NEO1: variants seen among roughly 807,000 people sequenced by gnomAD.
NEO1 encodes the protein neogenin.
A neutral mutation model predicts 159.7 loss-of-function variants in NEO1; 63 were observed. That is an observed-to-expected ratio of 0.39 (90% CI 0.32 to 0.49). The LOEUF is 0.49. Among genes scored for constraint, NEO1 ranks in the 20% least tolerant of loss-of-function variants. The pLI is 0.85. For missense variants in NEO1, 1,615 were observed against 1,831.0 expected, an observed-to-expected ratio of 0.88 and a Z score of 2.15; for synonymous variants, 633 against 662.0, an observed-to-expected ratio of 0.96 and a Z score of 0.67.
At chr15:73,080,470 GTGTT>G (rs1044280995) in intron 1 of NEO1, among the ~76,000 whole-genome samples, 1 of 151,880 alleles carries the variant, frequency 6.6e-6, no homozygotes, top group African/African-American at 2.4e-5. Context: ...GCAGTGTAGT[GTGTT>G]TGTTAGTTAC....
intron 14 of NEO1, 44 bp downstream of exon 14, chr15:73,258,920 C>A: frequency 1.3e-6 from 2 of 1,518,728 alleles, no homozygotes; most frequent in South Asian, 1.1e-5. Flanking sequence ...TAGATACTAG[C>A]TGTAGTCAAA....
chr15:73,257,349 AGAATTTTTATGGT>A (rs2040419111), intron 13 of NEO1, among the ~76,000 whole-genome samples: 1 of 151,990 alleles, frequency 6.6e-6, no homozygotes, highest in Non-Finnish European at 1.5e-5. Flanking sequence ...TAAGCAAAAT[AGAATTTTTATGGT>A]AAAAATGGCT....
chr15:73,292,132 T>A (rs544113261), intron 25 of NEO1, among the ~76,000 whole-genome samples: 1 of 152,220 alleles, frequency 6.6e-6, no homozygotes, highest in Admixed American at 6.5e-5. Flanking sequence ...GAAGGAAGGG[T>A]CAGCAGTGCT....
At chr15:73,142,161 G>A (rs374843856) in intron 5 of NEO1, among the ~76,000 whole-genome samples, 5 of 152,256 alleles carry the variant, frequency 3.3e-5, no homozygotes, top group African/African-American at 1.2e-4. Context: ...CATATGTGAT[G>A]TTGTGGGGAG....
chr15:73,058,278 T>G (rs985272036), intron 1 of NEO1, among the ~76,000 whole-genome samples: 3 of 152,190 alleles, frequency 2.0e-5, no homozygotes, highest in African/African-American at 7.2e-5. Context: ...TTTTATACAG[T>G]CCTGTGAGGA....
chr15:73,255,894 G>A (rs1051329409), intron 13 of NEO1: 2 of 152,174 alleles, frequency 1.3e-5, no homozygotes, highest in African/African-American at 4.8e-5. Flanking sequence ...CAAAAGGTGT[G>A]AGTTATCTGT....
rs1419874454 is a variant in NEO1, at chr15:73,303,361, T to C, written c.*665T>C. 2 of 152,506 alleles carry C rather than the reference T, an allele frequency of 1.3e-5. No individual in the cohort carries two copies. Among genetic ancestry groups the C allele is most frequent in the African/African-American group, 4.8e-5 (2 of 41,412 alleles). 9.4% of individuals were successfully genotyped at this position (152,506 alleles called of 1,614,324 possible). A position where few individuals can be genotyped will look rare whatever the true frequency, so the allele number is the denominator to read the frequency against. Reference sequence around the variant, plus strand: ...TAAGCTTTTTTTATTATTTTTTTATTATAATTATTAAAGGCCTGACTCTTT... The same window carrying C: ...TAAGCTTTTTTTATTATTTTTTTATCATAATTATTAAAGGCCTGACTCTTT... On this transcript the variant is annotated 3_prime_UTR_variant, in exon 29 of 29. Transcript: ENST00000261908.
rs113253436 is a variant in NEO1, at chr15:73,069,125, A to T, written c.130+16320A>T. Among the ~76,000 whole-genome samples, 688 of 105,192 alleles carry T rather than the reference A, an allele frequency of 6.5e-3. 7 individuals are homozygous for T. The highest frequency in any genetic ancestry group is 0.021 in the African/African-American group (458 of 21,534). The allele number at this position is 105,192 out of a possible 152,430, so 69.0% of individuals were successfully genotyped here. On this transcript the variant is annotated intron_variant, in intron 1 of 28. Coordinates refer to ENST00000261908, the MANE Select transcript of NEO1 (RefSeq NM_002499.4). ...TGCGTCACCATGGGCTAATTTTTGT[A>T]TTTTTTTTTTTTTTTTTTGTAGAGA...
At chr15:73,074,972 A>G (rs2068701146) in intron 1 of NEO1, among the ~76,000 whole-genome samples, 1 of 152,234 alleles carries the variant, frequency 6.6e-6, no homozygotes, top group African/African-American at 2.4e-5. Flanking sequence ...TGCCTGGCAT[A>G]TAATGTGTCT....
chr15:73,192,192 A>G (rs376333697), intron 7 of NEO1, among the ~76,000 whole-genome samples: 12 of 152,000 alleles, frequency 7.9e-5, no homozygotes, highest in East Asian at 7.7e-4. Flanking sequence ...TTCTGAAGTG[A>G]TATTTAAGTT....
intron 3 of NEO1, 143 bp downstream of exon 3, chr15:73,122,943 G>A (rs2071755835): frequency 1.0e-6 from 1 of 1,003,506 alleles, no homozygotes; most frequent in Non-Finnish European, 1.5e-6. Flanking sequence ...GTTGAAGCGG[G>A]TGGATCACCT....
At chr15:73,232,678 C>T (rs1483430501) in intron 7 of NEO1, among the ~76,000 whole-genome samples, 1 of 152,170 alleles carries the variant, frequency 6.6e-6, no homozygotes, top group African/African-American at 2.4e-5. Flanking sequence ...ACTTTCTCAC[C>T]TCATGGAATA....
chr15:73,100,047 G>A (rs1462470646), intron 1 of NEO1, among the ~76,000 whole-genome samples: 3 of 151,982 alleles, frequency 2.0e-5, no homozygotes, highest in Non-Finnish European at 2.9e-5. Flanking sequence ...CATTGTTCTC[G>A]ATAATTTTTA....
In NEO1 at chr15:73,136,025, A is replaced by G. The variant is rs747966912; in HGVS notation, c.1013A>G (p.Gln338Arg). 2 of 1,596,820 alleles carry G rather than the reference A, an allele frequency of 1.3e-6. No individual in the cohort carries two copies. Among genetic ancestry groups the G allele is most frequent in the Admixed American group, 1.8e-5 (1 of 55,864 alleles). Residue 338 changes from glutamine (Q) to arginine (R), a missense_variant and splice_region_variant, in exon 5 of 29, where the codon CAA becomes CGA. By Grantham distance (43) the Gln-to-Arg change is conservative (BLOSUM62 1). Coordinates refer to ENST00000261908, the MANE Select transcript of NEO1 (RefSeq NM_002499.4). The stretch of plus-strand genomic sequence containing the variant: ...GAAGCTCAAGCAGAGCTTACAGTGC[A>G]AGGTATGTAAATATTTACTGTATAA... ...TIEAQAELTV[Q>R]AQPEFLKQPT... is the part of the protein sequence containing the mutation.
Position 73,135,989 on chromosome 15 carries a change from A to T in NEO1, c.977A>T (p.Asn326Ile). Residue 326 changes from asparagine to isoleucine, a missense_variant, in exon 5 of 29, where the codon AAT (asparagine) becomes ATT (isoleucine). Asn to Ile is a moderately radical substitution (Grantham distance 149, BLOSUM62 -3). Transcript: ENST00000261908. ...TATTTTTGTATAGCTGATAATGGAA[A>T]TGAGACAATTGAAGCTCAAGCAGAG... ...GTYFCIADNG[N>I]ETIEAQAELT... is the part of the protein sequence containing the mutation. The T allele has an allele frequency of 2.5e-6, 4 of 1,611,628 alleles. No homozygotes were observed. Among genetic ancestry groups the T allele is most frequent in the Non-Finnish European group, 3.4e-6 (4 of 1,179,262 alleles).
intron 7 of NEO1, among the ~76,000 whole-genome samples, chr15:73,230,245 CAT>C (rs1221258345): frequency 6.6e-6 from 1 of 152,144 alleles, no homozygotes; most frequent in Non-Finnish European, 1.5e-5. Flanking sequence ...GTTCAGACTT[CAT>C]GTTTTTTCTT....
At chr15:73,071,479 T>G (rs774716268) in intron 1 of NEO1, among the ~76,000 whole-genome samples, 2 of 152,220 alleles carry the variant, frequency 1.3e-5, no homozygotes, top group Non-Finnish European at 2.9e-5. Flanking sequence ...ATGTAATTTA[T>G]GTATGATGGG....
Position 73,304,210 on chromosome 15 carries a change from A to G in NEO1, c.*1514A>G, listed in dbSNP as rs1473317434. Reference sequence around the variant, plus strand: ...AGCCGCTCAGCCACACATGGAAGCCATTGCCTTTGCACATAGTTCTTGGGT... The same window carrying G: ...AGCCGCTCAGCCACACATGGAAGCCGTTGCCTTTGCACATAGTTCTTGGGT... On this transcript the variant is annotated 3_prime_UTR_variant, in exon 29 of 29. Coordinates refer to ENST00000261908, the MANE Select transcript of NEO1 (RefSeq NM_002499.4). 2 of 150,488 alleles carry G rather than the reference A, an allele frequency of 1.3e-5. No homozygotes were observed. The highest frequency in any genetic ancestry group is 3.0e-5 in the Non-Finnish European group (2 of 67,604). The allele number at this position is 150,488 out of a possible 1,614,324, so 9.3% of individuals were successfully genotyped here. A position where few individuals can be genotyped will look rare whatever the true frequency, so the allele number is the denominator to read the frequency against.
At chr15:73,295,996 G>C (rs569977608) in intron 26 of NEO1, among the ~76,000 whole-genome samples, 2 of 152,212 alleles carry the variant, frequency 1.3e-5, no homozygotes, top group Admixed American at 1.3e-4. Flanking sequence ...TTTGCACACT[G>C]TCAGGGAGCA....
Sources: allele counts gnomAD v4.1 joint callset (sites outside exome capture counted in the v4.1 genomes callset), GRCh38; gene constraint gnomAD v4.1.1; transcripts MANE v1.5; gene names NCBI Gene and HGNC (gene_info 2026-07-23, HGNC 2026-07-21).